MBD5: variants seen among roughly 807,000 people sequenced by gnomAD.
The protein encoded by MBD5 is methyl-CpG-binding domain protein 5.
Under a neutral mutation model 117.3 loss-of-function variants are expected in MBD5, and 13 were observed. The observed-to-expected ratio is 0.11, with a 90% CI of 0.07 to 0.18. MBD5 has a LOEUF of 0.18. Ranked by LOEUF, MBD5 falls within the 10% of genes least tolerant of loss-of-function variation. MBD5 has a pLI of 1.00. For missense variants in MBD5, 1,879 were observed against 2,093.8 expected, an observed-to-expected ratio of 0.90 and a Z score of 2.00; for synonymous variants, 727 against 766.4, an observed-to-expected ratio of 0.95 and a Z score of 0.85.
chr2:148,252,748 C>A (rs1700497018), intron 3 of MBD5, among the ~76,000 whole-genome samples: 1 of 152,120 alleles, frequency 6.6e-6, no homozygotes, highest in Admixed American at 6.5e-5. Flanking sequence ...CAGGGTCTCA[C>A]CATGTTAGCC....
At chr2:148,172,558 A>T (rs554623001) in intron 1 of MBD5, among the ~76,000 whole-genome samples, 231 of 152,216 alleles carry the variant, frequency 1.5e-3, no homozygotes, top group African/African-American at 5.4e-3. Flanking sequence ...GACATGATTG[A>T]TGGCAGCAGG....
intron 1 of MBD5, among the ~76,000 whole-genome samples, chr2:148,176,654 C>T (rs911269359): frequency 6.6e-6 from 1 of 152,048 alleles, no homozygotes; most frequent in Non-Finnish European, 1.5e-5. Context: ...GGTGATCCAC[C>T]TGCCTCAGCC....
chr2:148,413,418 A>T (rs1425154992), intron 4 of MBD5, among the ~76,000 whole-genome samples: 2 of 151,558 alleles, frequency 1.3e-5, no homozygotes, highest in Non-Finnish European at 2.9e-5. Context: ...ATTGGCCTGA[A>T]GTTTTCTTTT....
chr2:148,330,585 A>C (rs1218266662), intron 3 of MBD5: 2 of 152,236 alleles, frequency 1.3e-5, no homozygotes, highest in Non-Finnish European at 2.9e-5. Context: ...GGAAAAGAAA[A>C]GAGACGTGGT....
At chr2:148,036,920 A>G (rs899011159) in intron 1 of MBD5, among the ~76,000 whole-genome samples, 4 of 152,098 alleles carry the variant, frequency 2.6e-5, no homozygotes, top group Admixed American at 2.6e-4. Flanking sequence ...ACTGATGAAC[A>G]GTTTGGTTGG....
chr2:148,458,529 G>A lies in MBD5; in HGVS notation c.-230G>A, dbSNP rs1337638164. Reference sequence around the variant, plus strand: ...TTTTACCCATGTAGACCATCCTTAGGAATTAAATATTGGTTATTTAATGTA... The same window carrying A: ...TTTTACCCATGTAGACCATCCTTAGAAATTAAATATTGGTTATTTAATGTA... On this transcript the variant is annotated 5_prime_UTR_variant, in exon 5 of 14. Transcript: ENST00000642680. The A allele has an allele frequency of 1.7e-6, 1 of 602,248 alleles. No individual in the cohort carries two copies. The highest frequency in any genetic ancestry group is 2.9e-5 in the Admixed American group (1 of 35,026). 37.3% of individuals were successfully genotyped at this position (602,248 alleles called of 1,614,324 possible). A position where few individuals can be genotyped will look rare whatever the true frequency, so the allele number is the denominator to read the frequency against.
intron 2 of MBD5, among the ~76,000 whole-genome samples, chr2:148,223,671 G>A (rs550125538): frequency 3.9e-5 from 6 of 152,042 alleles, no homozygotes; most frequent in South Asian, 4.2e-4. Flanking sequence ...GTGGCCAAAA[G>A]TTTGTTAATT....
chr2:148,344,480 C>T (rs1216082488), intron 4 of MBD5, among the ~76,000 whole-genome samples: 3 of 151,952 alleles, frequency 2.0e-5, no homozygotes, highest in East Asian at 1.9e-4. Context: ...TTTGTGTCGT[C>T]TGTGATTCCT....
intron 1 of MBD5, among the ~76,000 whole-genome samples, chr2:148,035,002 CTTTAG>C (rs1268785276): frequency 1.3e-5 from 2 of 152,030 alleles, no homozygotes; most frequent in Non-Finnish European, 2.9e-5. Context: ...AAGTTCTGAA[CTTTAG>C]TTTATCAGTA....
At chr2:148,085,734 AG>A (rs1157618235) in intron 1 of MBD5, among the ~76,000 whole-genome samples, 1 of 152,130 alleles carries the variant, frequency 6.6e-6, no homozygotes, top group Non-Finnish European at 1.5e-5. Context: ...AAAAAAAAAA[AG>A]TTTTGGAGCT....
chr2:148,278,493 TTTTC>T (rs376603305), intron 3 of MBD5, among the ~76,000 whole-genome samples: 63 of 152,176 alleles, frequency 4.1e-4, no homozygotes, highest in African/African-American at 1.5e-3. Flanking sequence ...GTCTGTGGAT[TTTTC>T]CATTTCTTTG....
chr2:148,413,949 G>T, intron 4 of MBD5, among the ~76,000 whole-genome samples: 1 of 145,176 alleles, frequency 6.9e-6, no homozygotes, highest in Non-Finnish European at 1.5e-5. Flanking sequence ...GTTGATCTTT[G>T]GTATGGTTTT....
At chr2:148,341,738 A>G (rs1250528220) in intron 3 of MBD5, among the ~76,000 whole-genome samples, 1 of 151,968 alleles carries the variant, frequency 6.6e-6, no homozygotes, top group Non-Finnish European at 1.5e-5. Flanking sequence ...CAATTACCAC[A>G]TTTTAAAGTG....
At chr2:148,435,798 T>C (rs1042914093) in intron 4 of MBD5, among the ~76,000 whole-genome samples, 8 of 152,188 alleles carry the variant, frequency 5.3e-5, no homozygotes, top group African/African-American at 1.9e-4. Context: ...TCTAGTGAGA[T>C]TGGGAAAGTT....
intron 2 of MBD5, among the ~76,000 whole-genome samples, chr2:148,230,191 G>T (rs554915852): frequency 6.6e-6 from 1 of 152,290 alleles, no homozygotes; most frequent in African/African-American, 2.4e-5. Context: ...AGGAGCCAGG[G>T]ACTAGAGTAA....
intron 4 of MBD5, chr2:148,347,739 A>G (rs1305859229): frequency 1.3e-5 from 2 of 152,028 alleles, no homozygotes; most frequent in Admixed American, 6.6e-5. Flanking sequence ...AAAAGAAAAC[A>G]TTTCAGTATA....
At chr2:148,154,747 C>T (rs1200671613) in intron 1 of MBD5, among the ~76,000 whole-genome samples, 1 of 152,204 alleles carries the variant, frequency 6.6e-6, no homozygotes, top group Admixed American at 6.5e-5. Flanking sequence ...CTCCCTGACC[C>T]CTTGCGCTTC....
intron 3 of MBD5, among the ~76,000 whole-genome samples, chr2:148,311,744 C>T (rs940993748): frequency 6.6e-6 from 1 of 152,082 alleles, no homozygotes; most frequent in Non-Finnish European, 1.5e-5. Context: ...TTCATAGTGT[C>T]GATGGACTTT....
At chr2:148,465,117 A>C (rs1277055544) in intron 7 of MBD5, among the ~76,000 whole-genome samples, 1 of 152,138 alleles carries the variant, frequency 6.6e-6, no homozygotes, top group Non-Finnish European at 1.5e-5. Flanking sequence ...GTCTAGGCCA[A>C]CTTTGCACGA....
Sources: allele counts gnomAD v4.1 joint callset (sites outside exome capture counted in the v4.1 genomes callset), GRCh38; gene constraint gnomAD v4.1.1; transcripts MANE v1.5; gene names NCBI Gene and HGNC (gene_info 2026-07-23, HGNC 2026-07-21).